RC3H2: variants seen among roughly 807,000 people sequenced by gnomAD.
The protein encoded by RC3H2 is roquin-2.
RC3H2 carries 31 observed loss-of-function variants against 133.3 expected under a neutral mutation model. The observed-to-expected ratio is 0.23, with a 90% CI of 0.17 to 0.31. The LOEUF (loss-of-function observed/expected upper bound fraction) is 0.31. Ranked by LOEUF, RC3H2 falls within the 10% of genes least tolerant of loss-of-function variation. The pLI is 1.00. For missense variants in RC3H2, 1,175 were observed against 1,437.2 expected, an observed-to-expected ratio of 0.82 and a Z score of 2.95; for synonymous variants, 517 against 502.2, an observed-to-expected ratio of 1.03 and a Z score of -0.40.
intron 1 of RC3H2, among the ~76,000 whole-genome samples, chr9:122,904,523 G>C (rs1320950714): frequency 6.6e-6 from 1 of 152,210 alleles, no homozygotes; most frequent in Non-Finnish European, 1.5e-5. Flanking sequence ...ATGAGAGAGG[G>C]AAAGAAGAAA....
chr9:122,892,802 A>G, intron 3 of RC3H2, 107 bp downstream of exon 3: 1 of 814,106 alleles, frequency 1.2e-6, no homozygotes. Flanking sequence ...GGCATTTCTC[A>G]AGCAAACTCC....
intron 9 of RC3H2, chr9:122,874,708 T>G (rs1025011465): frequency 2.0e-5 from 3 of 153,806 alleles, no homozygotes; most frequent in Non-Finnish European, 4.3e-5. Context: ...TTTGTAGAGG[T>G]GAGGTCTCAC....
chr9:122,899,725 A>T (rs1832582127), intron 1 of RC3H2, among the ~76,000 whole-genome samples: 1 of 152,236 alleles, frequency 6.6e-6, no homozygotes, highest in Non-Finnish European at 1.5e-5. Context: ...GTTATACAAG[A>T]AAAGGCCTTT....
Position 122,880,577 on chromosome 9 carries a change from T to C in RC3H2, c.960+17A>G, listed in dbSNP as rs772990427. The C allele has an allele frequency of 6.3e-7, 1 of 1,582,294 alleles. No individual in the cohort carries two copies. ...TAACAGCAATGATAGAACATCAGCA[T>C]CTCTAATTTCACAAACCTTATCAAT... On this transcript the variant is annotated intron_variant, in intron 6 of 20. Coordinates refer to ENST00000357244, the MANE Select transcript of RC3H2 (RefSeq NM_001100588.3).
intron 20 of RC3H2, 82 bp downstream of exon 20, chr9:122,850,998 TA>T: frequency 6.6e-7 from 1 of 1,505,396 alleles, no homozygotes; most frequent in Non-Finnish European, 9.1e-7. Context: ...CCTCACAGCA[TA>T]AAGCCAAAAA....
intron 9 of RC3H2, among the ~76,000 whole-genome samples, chr9:122,876,266 G>C (rs568811531): frequency 1.2e-4 from 18 of 152,244 alleles, no homozygotes; most frequent in African/African-American, 4.3e-4. Context: ...GCAGGAGGAG[G>C]AGGTATGGGA....
chr9:122,869,688 G>A (rs1291227681), intron 9 of RC3H2, among the ~76,000 whole-genome samples: 1 of 151,618 alleles, frequency 6.6e-6, no homozygotes, highest in African/African-American at 2.4e-5. Context: ...TCAGCCTCTG[G>A]AGTACAGGTG....
At chr9:122,894,931 G>A (rs1426790542) in intron 2 of RC3H2, among the ~76,000 whole-genome samples, 2 of 152,074 alleles carry the variant, frequency 1.3e-5, no homozygotes, top group Non-Finnish European at 2.9e-5. Context: ...TCTAGGCAAA[G>A]GTAACAGTAA....
chr9:122,899,790 C>T (rs990216864), intron 1 of RC3H2, among the ~76,000 whole-genome samples: 8 of 152,162 alleles, frequency 5.3e-5, no homozygotes, highest in African/African-American at 1.7e-4. Context: ...TAGTTAATAA[C>T]TTGAACTGAT....
At chr9:122,854,638 A>G in intron 15 of RC3H2, 23 bp from the exon 16 acceptor site, 1 of 1,537,922 alleles carries the variant, frequency 6.5e-7, no homozygotes, top group Non-Finnish European at 9.0e-7. Context: ...AGAATGAAAC[A>G]ATGGTCAAAA....
At chr9:122,868,767 A>C (rs1830882755) in intron 9 of RC3H2, among the ~76,000 whole-genome samples, 1 of 151,648 alleles carries the variant, frequency 6.6e-6, no homozygotes, top group Middle Eastern at 3.4e-3. Flanking sequence ...TAAATAAATA[A>C]AAAGAAAATG....
intron 9 of RC3H2, among the ~76,000 whole-genome samples, chr9:122,866,540 G>C (rs969694049): frequency 1.3e-5 from 2 of 151,954 alleles, no homozygotes; most frequent in Admixed American, 6.6e-5. Flanking sequence ...GAGTGCCTGC[G>C]ATTGCAGGCG....
Position 122,845,404 on chromosome 9 carries a change from C to A in RC3H2, c.*4223G>T, listed in dbSNP as rs888433842. On this transcript the variant is annotated 3_prime_UTR_variant, in exon 21 of 21. Coordinates refer to ENST00000357244, the MANE Select transcript of RC3H2 (RefSeq NM_001100588.3). ...CCCAGCTAAGAGAATGCATGCACTT[C>A]CATGCCTTGGGTTATAAAGTGAGGC... is the stretch of plus-strand genomic sequence containing the variant. 6.6e-5 allele frequency: 10 copies of A among 152,168 alleles called. No individual in the cohort carries two copies. The highest frequency in any genetic ancestry group is 2.2e-4 in the African/African-American group (9 of 41,426). 9.4% of individuals were successfully genotyped at this position (152,168 alleles called of 1,614,324 possible).
chr9:122,857,693 T>C (rs1041979936), intron 13 of RC3H2, among the ~76,000 whole-genome samples: 1 of 152,200 alleles, frequency 6.6e-6, no homozygotes. Flanking sequence ...AAAATAATTA[T>C]ACTATAGGAA....
At position 122,883,324 on chromosome 9, in the gene RC3H2, G is replaced by A; in HGVS notation, c.639C>T (p.Ala213=). Residue 213 remains alanine, a synonymous_variant, in exon 5 of 21, where the codon GCC becomes GCT. Transcript: ENST00000357244. The part of the protein sequence containing the change: ...LVLLALEDGS[A]LSRKVLVLFV... The stretch of plus-strand genomic sequence containing the variant: ...AAAGTACCAGAACTTTCCTTGAGAG[G>A]GCAGAACCATCTTCTAATGCCAGTA... 6.2e-7 allele frequency: 1 copy of A among 1,613,234 alleles called. No homozygotes were observed. Among genetic ancestry groups the A allele is most frequent in the Non-Finnish European group, 8.5e-7 (1 of 1,179,722 alleles).
intron 10 of RC3H2, among the ~76,000 whole-genome samples, chr9:122,861,854 G>T (rs937963263): frequency 3.3e-5 from 5 of 152,140 alleles, no homozygotes; most frequent in African/African-American, 1.2e-4. Flanking sequence ...AGGAACTGTG[G>T]GTAATAAAAG....
Position 122,849,748 on chromosome 9 carries a change from C to G in RC3H2, c.3455G>C (p.Ser1152Thr). The G allele has an allele frequency of 1.2e-6, 2 of 1,609,336 alleles. No individual in the cohort carries two copies. The highest frequency in any genetic ancestry group is 1.7e-6 in the Non-Finnish European group (2 of 1,177,628). The change falls in exon 21 of 21, where the codon AGT (serine) becomes ACT (threonine). Residue 1152 changes from serine to threonine, a missense_variant. By Grantham distance (58) the Ser-to-Thr change is moderately conservative. This residue lies in a region of RC3H2 where 220 missense variants were observed against 201.1 expected (regional missense o/e 1.09). Coordinates refer to ENST00000357244, the MANE Select transcript of RC3H2 (RefSeq NM_001100588.3). ...QPLPVSISNA[S>T]CLPITTSVSA... ...GACAGATGTGGTGATGGGGAGGCAA[C>G]TTGCATTGCTAATAGACACTGGGAG...
chr9:122,867,866 G>A (rs1341748672), intron 9 of RC3H2, among the ~76,000 whole-genome samples: 5 of 90,498 alleles, frequency 5.5e-5, no homozygotes, highest in Admixed American at 1.0e-4. Context: ...GTCTCCGCCC[G>A]GCAGCCACCC....
chr9:122,849,759 A>G lies in RC3H2; in HGVS notation c.3444T>C (p.Ile1148=). The G allele has an allele frequency of 6.2e-7, 1 of 1,607,766 alleles. No homozygotes were observed. The highest frequency in any genetic ancestry group is 1.1e-5 in the South Asian group (1 of 90,092). ...SCFSQPLPVS[I]SNASCLPITT... is the part of the protein sequence containing the mutation. ...TGATGGGGAGGCAACTTGCATTGCT[A>G]ATAGACACTGGGAGTGGCTGGCTAA... Residue 1148 remains isoleucine (I), a synonymous_variant, in exon 21 of 21, where the codon ATT becomes ATC. Coordinates refer to ENST00000357244, the MANE Select transcript of RC3H2 (RefSeq NM_001100588.3).
Sources: allele counts gnomAD v4.1 joint callset (sites outside exome capture counted in the v4.1 genomes callset), GRCh38; gene constraint gnomAD v4.1.1; regional missense constraint gnomAD v4.1.1; transcripts MANE v1.5; gene names NCBI Gene and HGNC (gene_info 2026-07-23, HGNC 2026-07-21).